The following REDIC1 variants were observed in gnomAD, a reference collection of about 807,000 sequenced individuals.
REDIC1 encodes regulator of DNA class I crossover intermediates 1.
the REDIC1 span, among the ~76,000 whole-genome samples, chr12:39,801,966 T>G: frequency 6.6e-6 from 1 of 152,170 alleles, no homozygotes; most frequent in Non-Finnish European, 1.5e-5. Context: ...CCCACAGAGC[T>G]TAGAATCTAG....
the REDIC1 span, among the ~76,000 whole-genome samples, chr12:39,699,203 T>G: frequency 1.7e-4 from 26 of 152,304 alleles, no homozygotes; most frequent in African/African-American, 6.3e-4. Context: ...TTCATCTCAC[T>G]AGGGAGTGCC....
the REDIC1 span, among the ~76,000 whole-genome samples, chr12:39,712,145 CAT>C: frequency 2.9e-5 from 1 of 34,044 alleles, no homozygotes; most frequent in Non-Finnish European, 6.1e-5. Context: ...CATATACATA[CAT>C]CTATACATGT....
chr12:39,720,227 T>C, the REDIC1 span, among the ~76,000 whole-genome samples: 1 of 151,970 alleles, frequency 6.6e-6, no homozygotes, highest in Non-Finnish European at 1.5e-5. Context: ...TCTTTGTCTA[T>C]TTAATTTCCT....
At chr12:39,787,414 A>T in the REDIC1 span, among the ~76,000 whole-genome samples, 1 of 152,228 alleles carries the variant, frequency 6.6e-6, no homozygotes. Flanking sequence ...AGTTTTACAC[A>T]TTACAATATT....
the REDIC1 span, among the ~76,000 whole-genome samples, chr12:39,843,105 A>G: frequency 6.6e-6 from 1 of 152,024 alleles, no homozygotes; most frequent in African/African-American, 2.4e-5. Flanking sequence ...TTGAGTAGAT[A>G]CGTGCTTTCA....
chr12:39,629,145 T>A, the REDIC1 span, among the ~76,000 whole-genome samples: 1 of 152,190 alleles, frequency 6.6e-6, no homozygotes, highest in Admixed American at 6.6e-5. Flanking sequence ...CGAACACTGG[T>A]TCTTAAAAGT....
chr12:39,702,111 G>C, the REDIC1 span, among the ~76,000 whole-genome samples: 12 of 152,170 alleles, frequency 7.9e-5, no homozygotes, highest in East Asian at 2.3e-3. Context: ...GAAGGAAATA[G>C]AGACACAAAA....
chr12:39,811,675 A>G, the REDIC1 span, among the ~76,000 whole-genome samples: 4 of 152,166 alleles, frequency 2.6e-5, no homozygotes, highest in Admixed American at 2.6e-4. Context: ...TATACATTTA[A>G]GAATTGTATG....
chr12:39,773,388 T>A, the REDIC1 span, among the ~76,000 whole-genome samples: 2 of 152,180 alleles, frequency 1.3e-5, no homozygotes, highest in Non-Finnish European at 2.9e-5. Context: ...CCTGTTCCAA[T>A]CATGGAATAC....
chr12:39,711,424 T>C, the REDIC1 span, among the ~76,000 whole-genome samples: 4 of 117,990 alleles, frequency 3.4e-5, no homozygotes, highest in East Asian at 9.3e-4. Flanking sequence ...TATGTACTTA[T>C]GTGTATATGT....
the REDIC1 span, among the ~76,000 whole-genome samples, chr12:39,713,237 T>G: frequency 1.8e-5 from 2 of 113,566 alleles, no homozygotes; most frequent in East Asian, 2.4e-4. Context: ...TATACGTGTA[T>G]ATATGTGTAC....
the REDIC1 span, among the ~76,000 whole-genome samples, chr12:39,896,476 A>ATATGTGTATATATGTACACATATATG: frequency 5.6e-5 from 8 of 143,604 alleles, 2 homozygotes; most frequent in African/African-American, 1.8e-4. Context: ...ACATATATGT[A>ATATGTGTATATATGTACACATATATG]TATGTGTATA....
the REDIC1 span, among the ~76,000 whole-genome samples, chr12:39,687,791 A>G: frequency 2.0e-5 from 3 of 152,250 alleles, no homozygotes; most frequent in Non-Finnish European, 4.4e-5. Context: ...ATGTAATGTT[A>G]TAATCCCTTG....
At chr12:39,757,436 T>TA in the REDIC1 span, 1 of 151,698 alleles carries the variant, frequency 6.6e-6, no homozygotes, top group Non-Finnish European at 1.5e-5. Flanking sequence ...GTGCCTAATA[T>TA]AAAAAAACCT....
chr12:39,631,164 A>G, the REDIC1 span, among the ~76,000 whole-genome samples: 3 of 152,306 alleles, frequency 2.0e-5, no homozygotes, highest in Middle Eastern at 3.4e-3. Context: ...TGCTGGGATT[A>G]CAGGCGCGAG....
chr12:39,848,922 C>G, the REDIC1 span, among the ~76,000 whole-genome samples: 1 of 152,082 alleles, frequency 6.6e-6, no homozygotes, highest in African/African-American at 2.4e-5. Context: ...AACACAGGAA[C>G]AGAAAACCAA....
the REDIC1 span, chr12:39,721,360 C>T: frequency 9.3e-6 from 8 of 864,780 alleles, no homozygotes; most frequent in East Asian, 2.6e-5. Flanking sequence ...AGTAGCTAAG[C>T]ATAAGCTGAC....
At chr12:39,719,030 G>C in the REDIC1 span, among the ~76,000 whole-genome samples, 2 of 152,036 alleles carry the variant, frequency 1.3e-5, no homozygotes, top group Non-Finnish European at 2.9e-5. Flanking sequence ...ACATAAAAAG[G>C]TATTTCACAA....
At chr12:39,629,147 C>CGA in the REDIC1 span, among the ~76,000 whole-genome samples, 1 of 152,126 alleles carries the variant, frequency 6.6e-6, no homozygotes, top group East Asian at 1.9e-4. Flanking sequence ...AACACTGGTT[C>CGA]TTAAAAGTTA....
Sources: allele counts gnomAD v4.1 joint callset (sites outside exome capture counted in the v4.1 genomes callset), GRCh38; gene constraint gnomAD v4.1.1; transcripts MANE v1.5; gene names NCBI Gene and HGNC (gene_info 2026-07-23, HGNC 2026-07-21).